Variants in CTSC observed in about 807,000 individuals in gnomAD.
CTSC encodes the protein cathepsin C.
In CTSC, 37 loss-of-function variants were observed where a neutral mutation model predicts 40.9. The observed-to-expected ratio is 0.91, with a 90% CI of 0.70 to 1.19. The LOEUF is 1.19. Among genes scored for constraint, CTSC ranks in the 50% most tolerant of loss-of-function variants. CTSC has a pLI of 0.00. For synonymous variants in CTSC, 232 were observed against 207.4 expected (o/e 1.12, Z -1.02); for missense variants, 594 against 567.3 (o/e 1.05, Z -0.48).
rs182284331 is a variant in CTSC, at chr11:88,301,533, G to C, written c.642-888C>G. 1.1e-3 allele frequency among the ~76,000 whole-genome samples: 162 copies of C among 151,848 alleles called. 1 individual carries two copies. Among genetic ancestry groups the C allele is most frequent in the African/African-American group, 3.8e-3 (156 of 41,354 alleles). On this transcript the variant is annotated intron_variant, in intron 4 of 6. Coordinates refer to ENST00000227266, the MANE Select transcript of CTSC (RefSeq NM_001814.6). ...TTTCCTTGCCTCATTTGTGAGTTTT[G>C]TCCAATTCTTTGTTCAAGAAGCCAA...
Position 88,334,967 on chromosome 11 carries a change from C to T in CTSC, c.288G>A (p.Leu96=), listed in dbSNP as rs1230145449. 2 of 1,612,768 alleles carry T rather than the reference C, an allele frequency of 1.2e-6. No homozygotes were observed. The highest frequency in any genetic ancestry group is 1.7e-5 in the Admixed American group (1 of 59,998). The change falls in exon 2 of 7, where the codon TTG becomes TTA. Residue 96 remains leucine, a synonymous_variant. Coordinates refer to ENST00000227266, the MANE Select transcript of CTSC (RefSeq NM_001814.6). ...AAAAGGCAAACCACTTGTAGTCATT[C>T]AACACAATCTCAAAGCCTTGGTTGT... ...IIYNQGFEIV[L]NDYKWFAFFK...
At chr11:88,325,084 G>A (rs1938144165) in intron 2 of CTSC, 12 of 978,506 alleles carry the variant, frequency 1.2e-5, no homozygotes, top group Non-Finnish European at 1.4e-5. Context: ...GCTTACCAAA[G>A]CTGAAAGAAG....
intron 5 of CTSC, 162 bp from the exon 6 acceptor site, chr11:88,296,426 T>C: frequency 1.3e-6 from 1 of 784,880 alleles, no homozygotes; most frequent in East Asian, 3.0e-5. Flanking sequence ...ATTGTTGAGC[T>C]TATTAAGGCA....
intron 4 of CTSC, among the ~76,000 whole-genome samples, chr11:88,303,823 T>C (rs1294748137): frequency 6.6e-6 from 1 of 152,066 alleles, no homozygotes; most frequent in African/African-American, 2.4e-5. Flanking sequence ...CAGGACATCT[T>C]TGGAAATGAA....
chr11:88,311,270 A>T (rs532253213), intron 3 of CTSC, among the ~76,000 whole-genome samples: 1 of 152,254 alleles, frequency 6.6e-6, no homozygotes, highest in South Asian at 2.1e-4. Flanking sequence ...TAGCTCTAGG[A>T]TCAAGCCAAA....
intron 4 of CTSC, among the ~76,000 whole-genome samples, chr11:88,305,893 A>T (rs1937626722): frequency 6.6e-6 from 1 of 152,180 alleles, no homozygotes; most frequent in Non-Finnish European, 1.5e-5. Context: ...GCTGTGACTG[A>T]GGCTCCCATC....
In CTSC at chr11:88,317,671, G is replaced by A. The variant is rs139124279; in HGVS notation, c.319-5117C>T. On this transcript the variant is annotated intron_variant, in intron 2 of 6. Transcript: ENST00000227266. ...AAATACTTCTTTTGTGATTTCTGAC[G>A]TTGTATCACCAATTAAGAAGTTGAA... is the stretch of plus-strand genomic sequence containing the variant. Among the ~76,000 whole-genome samples the A allele has an allele frequency of 1.7e-3, 258 of 152,180 alleles. 1 individual carries two copies. Among genetic ancestry groups the A allele is most frequent in the African/African-American group, 5.8e-3 (239 of 41,538 alleles).
rs535124424 is a variant in CTSC, at chr11:88,306,369, G to A, written c.641+2794C>T. ...CCCACCCTCAAGCCTGAAGACCTAA[G>A]GCCCTAAGAGAAGACAGGCATTTCT... On this transcript the variant is annotated intron_variant, in intron 4 of 6. Transcript: ENST00000227266. Among the ~76,000 whole-genome samples, 93 of 152,250 alleles carry A rather than the reference G, an allele frequency of 6.1e-4. 1 individual carries two copies. The highest frequency in any genetic ancestry group is 1.1e-3 in the Non-Finnish European group (75 of 67,996).
At chr11:88,307,003 G>A (rs979945140) in intron 4 of CTSC, among the ~76,000 whole-genome samples, 6 of 152,196 alleles carry the variant, frequency 3.9e-5, no homozygotes, top group Admixed American at 1.3e-4. Flanking sequence ...TAGGGCAAGG[G>A]CAACCAAAGG....
intron 2 of CTSC, among the ~76,000 whole-genome samples, chr11:88,329,455 CAAAAAAAAAA>C (rs34568364): frequency 3.5e-4 from 24 of 67,880 alleles, no homozygotes; most frequent in South Asian, 2.4e-3. Context: ...GACTCCATTT[CAAAAAAAAAA>C]AAAAAAAAAA....
At position 88,294,184 on chromosome 11, in the gene CTSC, T is replaced by C. The variant is rs151269219; in HGVS notation, c.1214A>G (p.His405Arg). 3.1e-6 allele frequency: 5 copies of C among 1,613,882 alleles called. No homozygotes were observed. Among genetic ancestry groups the C allele is most frequent in the Non-Finnish European group, 4.2e-6 (5 of 1,179,978 alleles). Residue 405 changes from histidine to arginine, a missense_variant, in exon 7 of 7, where the codon CAT (histidine) becomes CGT (arginine). Transcript: ENST00000227266. Reference protein sequence around the residue: ...DPFNPFELTNHAVLLVGYGTD... With the variant: ...DPFNPFELTNRAVLLVGYGTD... ...GCCATAGCCCACAAGCAGAACAGCATGATTAGTCAGCTCAAAGGGGTTGAA... is the reference window on the plus strand; with the variant it reads ...GCCATAGCCCACAAGCAGAACAGCACGATTAGTCAGCTCAAAGGGGTTGAA...
At chr11:88,330,992 A>G (rs545166396) in intron 2 of CTSC, among the ~76,000 whole-genome samples, 4 of 152,352 alleles carry the variant, frequency 2.6e-5, no homozygotes, top group Non-Finnish European at 4.4e-5. Flanking sequence ...GGTGAGATGC[A>G]GGATGCTGAG....
intron 2 of CTSC, among the ~76,000 whole-genome samples, chr11:88,319,142 A>G (rs1478362943): frequency 6.6e-6 from 1 of 152,182 alleles, no homozygotes. Flanking sequence ...TAACACTCAT[A>G]AAATGAACAA....
At chr11:88,307,066 C>G (rs1161600973) in intron 4 of CTSC, among the ~76,000 whole-genome samples, 1 of 152,188 alleles carries the variant, frequency 6.6e-6, no homozygotes. Context: ...AGGGAACTCT[C>G]ACATTTCAAA....
chr11:88,318,593 C>T (rs912132119), intron 2 of CTSC, among the ~76,000 whole-genome samples: 1 of 152,154 alleles, frequency 6.6e-6, no homozygotes, highest in Non-Finnish European at 1.5e-5. Context: ...ATTGTAACTC[C>T]CATATATATT....
chr11:88,315,525 A>G (rs996333825), intron 2 of CTSC, among the ~76,000 whole-genome samples: 3 of 152,236 alleles, frequency 2.0e-5, no homozygotes, highest in Non-Finnish European at 4.4e-5. Context: ...ATATAGTTTT[A>G]CTGGAGAACA....
intron 2 of CTSC, among the ~76,000 whole-genome samples, chr11:88,332,885 C>T (rs1938399968): frequency 6.6e-6 from 1 of 152,186 alleles, no homozygotes; most frequent in South Asian, 2.1e-4. Context: ...CAGGGTTCTA[C>T]CCTCCAACAG....
intron 2 of CTSC, chr11:88,322,342 T>A (rs190167408): frequency 1.0e-3 from 158 of 152,342 alleles, no homozygotes; most frequent in African/African-American, 3.6e-3. Flanking sequence ...CAGAATGATA[T>A]TGCCTATATT....
chr11:88,325,918 T>A (rs530647386), intron 2 of CTSC: 1 of 990,150 alleles, frequency 1.0e-6, no homozygotes, highest in Non-Finnish European at 1.2e-6. Flanking sequence ...TACAACAGGC[T>A]CTTGGGTTCC....
Sources: gnomAD v4.1 joint callset for allele counts (sites outside exome capture counted in the v4.1 genomes callset) on GRCh38, gnomAD v4.1.1 for gene constraint, MANE v1.5 for transcripts, NCBI Gene and HGNC (gene_info 2026-07-23, HGNC 2026-07-21) for gene names.